Variants in MARCHF1 observed in about 807,000 individuals in gnomAD.
The protein encoded by MARCHF1 is E3 ubiquitin-protein ligase MARCHF1.
Under a neutral mutation model 54.2 loss-of-function variants are expected in MARCHF1, and 40 were observed. That is an observed-to-expected ratio of 0.74 (90% CI 0.57 to 0.96). MARCHF1 has a LOEUF of 0.96. Among genes scored for constraint, MARCHF1 ranks in the 40% least tolerant of loss-of-function variants. MARCHF1 has a pLI of 0.00. For synonymous variants in MARCHF1, 236 were observed against 236.3 expected (o/e 1.00, Z 0.01); for missense variants, 586 against 656.5 (o/e 0.89, Z 1.17).
chr4:163,866,273 T>C (rs1328476432), intron 3 of MARCHF1, among the ~76,000 whole-genome samples: 1 of 151,142 alleles, frequency 6.6e-6, no homozygotes, highest in Non-Finnish European at 1.5e-5. Flanking sequence ...TTGCAAATTA[T>C]AAAAACTACA....
chr4:163,593,623 A>G (rs1740664082), intron 7 of MARCHF1, among the ~76,000 whole-genome samples: 1 of 152,150 alleles, frequency 6.6e-6, no homozygotes, highest in African/African-American at 2.4e-5. Flanking sequence ...ATCCTCAACC[A>G]TGACTTCCTT....
intron 1 of MARCHF1, among the ~76,000 whole-genome samples, chr4:164,219,901 T>C (rs1311105412): frequency 2.0e-5 from 3 of 152,002 alleles, no homozygotes; most frequent in Admixed American, 1.3e-4. Context: ...TTACTGTTTA[T>C]TTATAGCCCT....
At chr4:164,268,842 A>G (rs1272072153) in intron 1 of MARCHF1, among the ~76,000 whole-genome samples, 1 of 152,158 alleles carries the variant, frequency 6.6e-6, no homozygotes, top group Non-Finnish European at 1.5e-5. Flanking sequence ...TCTCACTGTT[A>G]TTTGAAGAAA....
intron 1 of MARCHF1, among the ~76,000 whole-genome samples, chr4:164,217,455 T>C (rs1319759517): frequency 6.6e-6 from 1 of 152,210 alleles, no homozygotes; most frequent in East Asian, 1.9e-4. Flanking sequence ...TATATAAGCC[T>C]TTGGGAAATG....
chr4:164,335,596 A>AG (rs1383420068), intron 1 of MARCHF1, among the ~76,000 whole-genome samples: 1 of 151,706 alleles, frequency 6.6e-6, no homozygotes, highest in East Asian at 2.0e-4. Context: ...AAAAAAAAAA[A>AG]AAAGAGAATT....
At chr4:164,076,319 G>A (rs532284412) in intron 2 of MARCHF1, among the ~76,000 whole-genome samples, 49 of 152,170 alleles carry the variant, frequency 3.2e-4, no homozygotes, top group African/African-American at 1.2e-3. Flanking sequence ...TTGAAGAAAA[G>A]GCCTTCAATA....
intron 2 of MARCHF1, among the ~76,000 whole-genome samples, chr4:164,075,733 A>G (rs1754963232): frequency 6.6e-6 from 1 of 152,196 alleles, no homozygotes; most frequent in Non-Finnish European, 1.5e-5. Flanking sequence ...GATTTAACAC[A>G]TGCTTTTGTT....
intron 2 of MARCHF1, among the ~76,000 whole-genome samples, chr4:164,023,040 G>A (rs766167609): frequency 7.9e-5 from 12 of 152,184 alleles, no homozygotes; most frequent in Admixed American, 1.3e-4. Context: ...CATGCAGCTC[G>A]GGAATATTGA....
In MARCHF1 at chr4:163,698,869, G is replaced by A. The variant is rs971330953; in HGVS notation, c.162+1944C>T. ...TATTCAAGTTGAGACAGATGACAGA[G>A]TTCTTTGGTTTAGGCAAATCTCTTC... On this transcript the variant is annotated intron_variant, in intron 5 of 9. Coordinates refer to ENST00000514618, the MANE Select transcript of MARCHF1 (RefSeq NM_001394959.1). 2.6e-5 allele frequency among the ~76,000 whole-genome samples: 4 copies of A among 152,316 alleles called. No individual in the cohort carries two copies. The East Asian group carries it at 5.8e-4, about 22-fold the overall frequency.
chr4:164,001,112 T>TC (rs34802794), intron 2 of MARCHF1, among the ~76,000 whole-genome samples: 1 of 151,804 alleles, frequency 6.6e-6, no homozygotes, highest in Non-Finnish European at 1.5e-5. Context: ...AGTCATATTA[T>TC]CCAATAGTCT....
chr4:163,648,881 T>C (rs559692291), intron 5 of MARCHF1, among the ~76,000 whole-genome samples: 129 of 151,612 alleles, frequency 8.5e-4, no homozygotes, highest in African/African-American at 3.1e-3. Context: ...TCCTTCCCTG[T>C]TATGCCTCCA....
chr4:164,027,713 C>T (rs1334701375), intron 2 of MARCHF1, among the ~76,000 whole-genome samples: 1 of 151,868 alleles, frequency 6.6e-6, no homozygotes, highest in East Asian at 1.9e-4. Context: ...GGCTAAGTTC[C>T]CAAAAGCAAT....
At chr4:164,191,568 C>G (rs1731124990) in intron 1 of MARCHF1, among the ~76,000 whole-genome samples, 1 of 152,074 alleles carries the variant, frequency 6.6e-6, no homozygotes, top group Non-Finnish European at 1.5e-5. Flanking sequence ...AATGATGGCT[C>G]TAAAGTTGTG....
intron 5 of MARCHF1, among the ~76,000 whole-genome samples, chr4:163,684,713 C>T (rs1744214013): frequency 1.3e-5 from 2 of 152,200 alleles, no homozygotes; most frequent in African/African-American, 4.8e-5. Flanking sequence ...GCATTTCTCT[C>T]TTCCCTTTGC....
intron 1 of MARCHF1, among the ~76,000 whole-genome samples, chr4:164,310,449 T>G (rs1734819177): frequency 6.6e-6 from 1 of 152,074 alleles, no homozygotes; most frequent in African/African-American, 2.4e-5. Flanking sequence ...ACACATAAAA[T>G]AATGTTCCTT....
chr4:163,939,915 A>G (rs929654499), intron 3 of MARCHF1, among the ~76,000 whole-genome samples: 4 of 152,190 alleles, frequency 2.6e-5, no homozygotes, highest in African/African-American at 9.6e-5. Context: ...TATGGACTGA[A>G]TGTTTGTTTC....
intron 8 of MARCHF1, among the ~76,000 whole-genome samples, chr4:163,564,256 TTGAC>T (rs1739567684): frequency 1.3e-5 from 2 of 152,214 alleles, no homozygotes; most frequent in Admixed American, 6.5e-5. Context: ...AAAGCCTTTG[TTGAC>T]TGACTGACGT....
At chr4:163,817,879 C>T (rs924087988) in intron 4 of MARCHF1, among the ~76,000 whole-genome samples, 1 of 142,294 alleles carries the variant, frequency 7.0e-6, no homozygotes, top group African/African-American at 2.7e-5. Context: ...CCAAACACCG[C>T]ATGTTCTCAC....
At chr4:164,377,028 C>G (rs1261792994) in intron 1 of MARCHF1, among the ~76,000 whole-genome samples, 2 of 152,162 alleles carry the variant, frequency 1.3e-5, no homozygotes, top group Non-Finnish European at 2.9e-5. Flanking sequence ...CCTCAGGACA[C>G]TGAATTGAAG....
Sources: gnomAD v4.1 joint callset for allele counts (sites outside exome capture counted in the v4.1 genomes callset) on GRCh38, gnomAD v4.1.1 for gene constraint, MANE v1.5 for transcripts, NCBI Gene and HGNC (gene_info 2026-07-23, HGNC 2026-07-21) for gene names.